Variants in DIDO1 observed in about 807,000 individuals in gnomAD.
The protein encoded by DIDO1 is death inducer-obliterator 1.
Under a neutral mutation model 99.4 loss-of-function variants are expected in DIDO1, and 16 were observed. The ratio of observed to expected loss-of-function variants is 0.16; its 90% CI spans 0.11 to 0.24. DIDO1 has a LOEUF of 0.24. Ranked by LOEUF, DIDO1 falls within the 10% of genes least tolerant of loss-of-function variation. DIDO1 has a pLI of 1.00. For missense variants in DIDO1, 2,996 were observed against 3,014.0 expected (o/e 0.99, Z 0.14); for synonymous variants, 1,366 against 1,239.1 (o/e 1.10, Z -2.15).
Position 62,909,728 on chromosome 20 carries a change from C to T in DIDO1, c.1132G>A (p.Gly378Ser). 1.2e-6 allele frequency: 2 copies of T among 1,613,794 alleles called. No individual in the cohort carries two copies. The highest frequency in any genetic ancestry group is 1.7e-6 in the Non-Finnish European group (2 of 1,179,700). ...TGGAAGATCTTGAGTTTCTTCTTGC[C>T]ACTTGGATTTGCAGCTTTCTCAATT... ...GRIEKAANPS[G>S]KKKLKIFQPV... is the part of the protein sequence containing the mutation. The change falls in exon 4 of 16, where the codon GGC (glycine) becomes AGC (serine). Residue 378 changes from glycine to serine, a missense_variant. Physicochemically the swap from Gly to Ser is moderately conservative, Grantham distance 56. This residue lies in a region of DIDO1 where 898 missense variants were observed against 972.7 expected (regional missense o/e 0.92). Coordinates refer to ENST00000395343, the MANE Select transcript of DIDO1 (RefSeq NM_001193369.2).
rs1362971751 is a variant in DIDO1, at chr20:62,879,473, G to A, written c.6483C>T (p.Arg2161=). 1.9e-6 allele frequency: 3 copies of A among 1,577,088 alleles called. No homozygotes were observed. Among genetic ancestry groups the A allele is most frequent in the Non-Finnish European group, 2.6e-6 (3 of 1,168,730 alleles). Residue 2161 remains arginine, a synonymous_variant, in exon 16 of 16, where the codon CGC becomes CGT. Coordinates refer to ENST00000395343, the MANE Select transcript of DIDO1 (RefSeq NM_001193369.2). This position sits in a 1 kb window ranked among gnomAD's most constrained non-coding sequence, Gnocchi z 6.3. ...CCCACTCCTTGCCCCGGTCGGCCTC[G>A]CGCTCTCGGTCGCGGTTGGCGCTCC... ...RERSANRDRE[R]EADRGKEWDR... is the part of the protein sequence containing the mutation.
chr20:62,917,541 CTGT>C, intron 1 of DIDO1, among the ~76,000 whole-genome samples: 1 of 152,326 alleles, frequency 6.6e-6, no homozygotes, highest in South Asian at 2.1e-4. Flanking sequence ...TGTCCTCCGT[CTGT>C]TGTTCTGTCA....
At position 62,879,563 on chromosome 20, in the gene DIDO1, C is replaced by G; in HGVS notation, c.6393G>C (p.Arg2131=). ...CCCGGTGTCGGTCCCACTCCCGGGG[C>G]CGGTCCCAGTCCCGCTCTCGGCTCC... is the stretch of plus-strand genomic sequence containing the variant. ...RNWSRERDWD[R]PREWDRHRDK... The change falls in exon 16 of 16, where the codon CGG becomes CGC. Residue 2131 remains arginine, a synonymous_variant. Transcript: ENST00000395343. This position sits in a 1 kb window ranked among gnomAD's most constrained non-coding sequence, Gnocchi z 6.3. The G allele has an allele frequency of 6.2e-7, 1 of 1,601,154 alleles. No homozygotes were observed. The highest frequency in any genetic ancestry group is 1.1e-5 in the South Asian group (1 of 91,048).
chr20:62,880,620 G>A lies in DIDO1; in HGVS notation c.5336C>T (p.Pro1779Leu), dbSNP rs766683136. Reference sequence around the variant, plus strand: ...AGCGATATTCTCTTCTGGAAACGGAGGGGCTGGCCCCCTTGGTCCCGGGAA... The same window carrying A: ...AGCGATATTCTCTTCTGGAAACGGAAGGGCTGGCCCCCTTGGTCCCGGGAA... ...PNFPGPRGPA[P>L]PFPEENIASN... The change falls in exon 16 of 16, where the codon CCT becomes CTT. Residue 1779 changes from proline to leucine, a missense_variant. By Grantham distance (98) the Pro-to-Leu change is moderately conservative. Around this residue, in one of 5 missense-constraint regions of DIDO1, gnomAD observed 1,562 missense variants for 1,412.6 expected, o/e 1.11. Coordinates refer to ENST00000395343, the MANE Select transcript of DIDO1 (RefSeq NM_001193369.2). The A allele has an allele frequency of 1.2e-6, 2 of 1,612,804 alleles. No homozygotes were observed. The highest frequency in any genetic ancestry group is 1.7e-6 in the Non-Finnish European group (2 of 1,180,024).
Position 62,879,684 on chromosome 20 carries a change from A to C in DIDO1, c.6272T>G (p.Phe2091Cys). 6.2e-7 allele frequency: 1 copy of C among 1,609,962 alleles called. No homozygotes were observed. The highest frequency in any genetic ancestry group is 8.5e-7 in the Non-Finnish European group (1 of 1,179,724). Residue 2091 changes from phenylalanine (F) to cysteine (C), a missense_variant, in exon 16 of 16, where the codon TTT becomes TGT. By Grantham distance (205) the Phe-to-Cys change is radical. Transcript: ENST00000395343. The surrounding 1 kb of genome is among the most constrained non-coding windows in gnomAD (Gnocchi z 6.3). ...CGGCTTCTCTTTGGGCCCCACGTCA[A>C]ACCGCTCTCTCTGCCTCCCTTCGAA... is the stretch of plus-strand genomic sequence containing the variant. ...QTFEGRQRER[F>C]DVGPKEKPLE...
Position 62,889,104 on chromosome 20 carries a change from G to A in DIDO1, c.3541+1856C>T, listed in dbSNP as rs142629915. On this transcript the variant is annotated intron_variant, in intron 15 of 15. Transcript: ENST00000395343. ...GTGTGACGTTCCCCCAGCTGGTCGC[G>A]GAGCTGACAGTGTGGGTGGTTGGTG... 1.4e-3 allele frequency: 1,423 copies of A among 985,490 alleles called. 6 individuals are homozygous for A. The African/African-American group carries it at 0.023, about 16-fold the overall frequency. The allele number at this position is 985,490 out of a possible 1,614,324, so 61.0% of individuals were successfully genotyped here.
chr20:62,889,369 AACCGTGCTC>A (rs1158094525), intron 15 of DIDO1: 1 of 953,568 alleles, frequency 1.0e-6, no homozygotes, highest in Non-Finnish European at 1.2e-6. Context: ...AACACCCTAC[AACCGTGCTC>A]ACCTGACAGC....
chr20:62,887,459 A>G (rs1255724202), intron 15 of DIDO1: 1 of 985,372 alleles, frequency 1.0e-6, no homozygotes, highest in Non-Finnish European at 1.2e-6. Flanking sequence ...TCTAATGTAT[A>G]AAGACCTCAG....
Position 62,936,044 on chromosome 20 carries a change from TGGAATGTTAA to T in DIDO1, c.-200+1742_-200+1751del, listed in dbSNP as rs2065379813. On this transcript the variant is annotated intron_variant, in intron 1 of 15. Transcript: ENST00000266070. The stretch of plus-strand genomic sequence containing the variant: ...AGGCACTGAGACAGCCTCTTTGGAC[TGGAATGTTAA>T]GGAATGTCGCCTTAAGGCGCTAGCA... Among the ~76,000 whole-genome samples the T allele has an allele frequency of 3.3e-5, 5 of 152,348 alleles. No individual in the cohort carries two copies. In the South Asian group the frequency reaches 1.0e-3, roughly 32 times the overall value.
At chr20:62,895,940 G>C (rs1026191821) in intron 8 of DIDO1, among the ~76,000 whole-genome samples, 5 of 152,214 alleles carry the variant, frequency 3.3e-5, no homozygotes, top group African/African-American at 1.2e-4. Context: ...CCAGTGAAGC[G>C]ACTGGCTTGT....
In DIDO1 at chr20:62,907,188, T is replaced by A; in HGVS notation, c.1333A>T (p.Met445Leu). The A allele has an allele frequency of 6.2e-7, 1 of 1,614,214 alleles. No homozygotes were observed. The highest frequency in any genetic ancestry group is 8.5e-7 in the Non-Finnish European group (1 of 1,180,044). ...QKPKPKEKMK[M>L]KPEKPSLPKC... ...GGAAGACTGGGCTTCTCTGGCTTCATCTTCATCTTTTCTTTAGGCTTTGGC... is the reference window on the plus strand; with the variant it reads ...GGAAGACTGGGCTTCTCTGGCTTCAACTTCATCTTTTCTTTAGGCTTTGGC... Residue 445 changes from methionine to leucine, a missense_variant, in exon 5 of 16, where the codon ATG (methionine) becomes TTG (leucine). Met to Leu is a conservative substitution (Grantham distance 15, BLOSUM62 2). This residue lies in a region of DIDO1 where 898 missense variants were observed against 972.7 expected (regional missense o/e 0.92). Coordinates refer to ENST00000395343, the MANE Select transcript of DIDO1 (RefSeq NM_001193369.2).
At chr20:62,935,937 G>A (rs189997423) in intron 1 of DIDO1, among the ~76,000 whole-genome samples, 4 of 152,246 alleles carry the variant, frequency 2.6e-5, no homozygotes, top group Admixed American at 6.5e-5. Flanking sequence ...AGTTTCTAGA[G>A]AGGATTAAGG....
intron 6 of DIDO1, among the ~76,000 whole-genome samples, chr20:62,899,735 C>T (rs2064620148): frequency 6.6e-6 from 1 of 152,202 alleles, no homozygotes; most frequent in African/African-American, 2.4e-5. Context: ...AATGGGCAGT[C>T]AGGTGAGTGA....
chr20:62,908,370 G>A (rs780587816), intron 4 of DIDO1, among the ~76,000 whole-genome samples: 7 of 152,142 alleles, frequency 4.6e-5, no homozygotes, highest in African/African-American at 1.4e-4. Flanking sequence ...CCGCTGCACC[G>A]TGACTGCAGT....
upstream of DIDO1, among the ~76,000 whole-genome samples, chr20:62,930,770 ATCTT>A (rs1269639086): frequency 2.0e-5 from 3 of 152,232 alleles, no homozygotes; most frequent in African/African-American, 7.2e-5. Context: ...GGGATGATGG[ATCTT>A]TCTTTGGTCA....
intron 15 of DIDO1, chr20:62,889,321 T>G: frequency 1.0e-6 from 1 of 985,358 alleles, no homozygotes; most frequent in Non-Finnish European, 1.2e-6. Context: ...CTGCCCAGTG[T>G]GGGGAACCCG....
chr20:62,906,498 A>G (rs1189210406), intron 5 of DIDO1, among the ~76,000 whole-genome samples: 1 of 152,234 alleles, frequency 6.6e-6, no homozygotes, highest in Non-Finnish European at 1.5e-5. Flanking sequence ...GGCTGTGCCC[A>G]ACGCCGAGGG....
chr20:62,894,352 A>AT lies in DIDO1; in HGVS notation c.2572+60dup, dbSNP rs2064468077. On this transcript the variant is annotated intron_variant, in intron 11 of 15. Coordinates refer to ENST00000395343, the MANE Select transcript of DIDO1 (RefSeq NM_001193369.2). The surrounding 1 kb of genome is among the most constrained non-coding windows in gnomAD (Gnocchi z 4.4). ...GCGGTTGCTTTTAGGAGGTTCAGTG[A>AT]TTTTTAACAAAATCAAGTTTAGTCT... 1 of 1,593,624 alleles carries AT rather than the reference A, an allele frequency of 6.3e-7. No homozygotes were observed. Among genetic ancestry groups the AT allele is most frequent in the African/African-American group, 1.3e-5 (1 of 74,350 alleles).
intron 4 of DIDO1, among the ~76,000 whole-genome samples, chr20:62,908,822 G>C (rs1000389526): frequency 3.3e-5 from 5 of 152,172 alleles, no homozygotes; most frequent in African/African-American, 9.7e-5. Flanking sequence ...CTGTGCCACC[G>C]AACTCCAGCC....
Sources: allele counts gnomAD v4.1 joint callset (sites outside exome capture counted in the v4.1 genomes callset), GRCh38; gene constraint gnomAD v4.1.1; regional missense constraint gnomAD v4.1.1; non-coding constraint Gnocchi (gnomAD v3.1); transcripts MANE v1.5; gene names NCBI Gene and HGNC (gene_info 2026-07-23, HGNC 2026-07-21).